Variants in R3HDM1 observed in about 807,000 individuals in gnomAD.
The protein encoded by R3HDM1 is R3H domain-containing protein 1.
R3HDM1 carries 46 observed loss-of-function variants against 141.1 expected under a neutral mutation model. The observed-to-expected ratio is 0.33, with a 90% CI of 0.26 to 0.42. The LOEUF (loss-of-function observed/expected upper bound fraction) is 0.42, where lower values mean the gene tolerates loss of function less well. Ranked by LOEUF, R3HDM1 falls within the 10% of genes least tolerant of loss-of-function variation. The pLI is 1.00. For missense variants in R3HDM1, 1,184 were observed against 1,368.3 expected, an observed-to-expected ratio of 0.87 and a Z score of 2.12; for synonymous variants, 435 against 472.9, an observed-to-expected ratio of 0.92 and a Z score of 1.04.
intron 5 of R3HDM1, among the ~76,000 whole-genome samples, chr2:135,618,274 C>G (rs2061228466): frequency 6.6e-6 from 1 of 151,442 alleles, no homozygotes; most frequent in Non-Finnish European, 1.5e-5. Context: ...AGCCATTCTG[C>G]CTCAGCCTGC....
chr2:135,715,732 T>G, intron 24 of R3HDM1, 38 bp downstream of exon 24: 9 of 1,582,758 alleles, frequency 5.7e-6, no homozygotes, highest in Non-Finnish European at 7.7e-6. Flanking sequence ...TTCAGAGAAT[T>G]TAAGACATCC....
chr2:135,541,851 T>TAAA (rs10558924), intron 1 of R3HDM1, among the ~76,000 whole-genome samples: 6 of 121,910 alleles, frequency 4.9e-5, no homozygotes, highest in South Asian at 2.6e-4. Flanking sequence ...TTCAATTTGT[T>TAAA]AAAAAAAAAA....
intron 21 of R3HDM1, among the ~76,000 whole-genome samples, chr2:135,683,469 G>C (rs1003145363): frequency 6.7e-6 from 1 of 150,270 alleles, no homozygotes; most frequent in Non-Finnish European, 1.5e-5. Flanking sequence ...CAGGAGAATC[G>C]CTTGAACCTG....
At chr2:135,699,025 AGATAGAT>A (rs1559465557) in intron 21 of R3HDM1, among the ~76,000 whole-genome samples, 30 of 118,222 alleles carry the variant, frequency 2.5e-4, no homozygotes, top group Admixed American at 8.1e-4. Context: ...ATAGATAGAT[AGATAGAT>A]AGATAGATAG....
At chr2:135,607,138 G>A (rs544439964) in intron 3 of R3HDM1, 70 of 169,246 alleles carry the variant, frequency 4.1e-4, no homozygotes, top group Middle Eastern at 5.9e-3. Context: ...ACAGGCGTGC[G>A]CCACCATGCT....
At chr2:135,612,716 C>T (rs2060660733) in intron 3 of R3HDM1, among the ~76,000 whole-genome samples, 1 of 152,130 alleles carries the variant, frequency 6.6e-6, no homozygotes, top group Non-Finnish European at 1.5e-5. Context: ...GTCTATTAAA[C>T]AAGCTGCTAA....
intron 15 of R3HDM1, 113 bp downstream of exon 15, chr2:135,641,903 A>T (rs2105249245): frequency 8.0e-7 from 1 of 1,251,032 alleles, no homozygotes; most frequent in East Asian, 2.6e-5. Context: ...AATAATTAAC[A>T]TTTTCCAAGA....
chr2:135,647,015 A>T (rs965177708), intron 16 of R3HDM1, among the ~76,000 whole-genome samples: 5 of 152,144 alleles, frequency 3.3e-5, no homozygotes, highest in Non-Finnish European at 7.3e-5. Flanking sequence ...AATGGTGTGA[A>T]AGTCATAAAA....
intron 1 of R3HDM1, chr2:135,581,053 T>C: frequency 2.3e-6 from 1 of 440,190 alleles, no homozygotes; most frequent in Non-Finnish European, 3.0e-6. Flanking sequence ...TACTACTCTA[T>C]TATAATGCTT....
At chr2:135,541,151 T>G (rs1697389231) in intron 1 of R3HDM1, among the ~76,000 whole-genome samples, 1 of 152,174 alleles carries the variant, frequency 6.6e-6, no homozygotes, top group Non-Finnish European at 1.5e-5. Context: ...CCTAGGATTT[T>G]CAGAAGGTTA....
intron 19 of R3HDM1, chr2:135,665,517 T>C (rs779199589): frequency 1.3e-5 from 7 of 521,850 alleles, no homozygotes; most frequent in Admixed American, 1.0e-4. Context: ...GCTTTTTTGC[T>C]TTTTTTAATG....
At chr2:135,553,999 T>G (rs569925442) in intron 1 of R3HDM1, among the ~76,000 whole-genome samples, 2 of 152,370 alleles carry the variant, frequency 1.3e-5, no homozygotes, top group African/African-American at 4.8e-5. Flanking sequence ...CTCTGCTGGT[T>G]TTTTAAACAA....
chr2:135,552,889 T>C (rs1367392846), intron 1 of R3HDM1, among the ~76,000 whole-genome samples: 4 of 152,112 alleles, frequency 2.6e-5, no homozygotes, highest in Admixed American at 6.5e-5. Context: ...CTTTTTTTTT[T>C]CCTCAGAGAC....
intron 21 of R3HDM1, among the ~76,000 whole-genome samples, chr2:135,698,852 A>G (rs1216334321): frequency 6.6e-6 from 1 of 152,008 alleles, no homozygotes; most frequent in Non-Finnish European, 1.5e-5. Context: ...ACCAAGGGGG[A>G]ATGGTGCTAA....
intron 18 of R3HDM1, among the ~76,000 whole-genome samples, chr2:135,653,227 A>G (rs2065352505): frequency 6.6e-6 from 1 of 151,964 alleles, no homozygotes; most frequent in African/African-American, 2.4e-5. Context: ...GTGGTGGTGC[A>G]CGCCTGTAAT....
At chr2:135,545,034 C>T (rs1221256584) in intron 1 of R3HDM1, among the ~76,000 whole-genome samples, 2 of 152,150 alleles carry the variant, frequency 1.3e-5, no homozygotes, top group African/African-American at 2.4e-5. Context: ...ATAACCCCAC[C>T]TCCTTAATGA....
chr2:135,710,187 G>A lies in R3HDM1; in HGVS notation c.2692G>A (p.Gly898Arg), dbSNP rs1192254788. Residue 898 changes from glycine (G) to arginine (R), a missense_variant, in exon 23 of 27, where the codon GGA becomes AGA. By Grantham distance (125) the Gly-to-Arg change is moderately radical. Around this residue, in one of 5 missense-constraint regions of R3HDM1, gnomAD observed 563 missense variants for 562.0 expected, o/e 1.00. Coordinates refer to ENST00000683871, the MANE Select transcript of R3HDM1 (RefSeq NM_001378107.1). ...QNKYYCDHQR[G>R]QKCVEFSSVD... is the part of the protein sequence containing the mutation. ...CAAATATTACTGTGATCACCAGAGA[G>A]GACAGAAGTGTGTAGAATTTAGCAG... 3.7e-6 allele frequency: 6 copies of A among 1,614,164 alleles called. No homozygotes were observed. In the South Asian group the frequency reaches 6.6e-5, roughly 18 times the overall value.
At chr2:135,604,184 T>G (rs1416905531) in intron 2 of R3HDM1, among the ~76,000 whole-genome samples, 1 of 152,248 alleles carries the variant, frequency 6.6e-6, no homozygotes, top group Non-Finnish European at 1.5e-5. Flanking sequence ...TTTACAAGTG[T>G]ATTTTGTAAT....
intron 21 of R3HDM1, among the ~76,000 whole-genome samples, chr2:135,694,156 C>T (rs1410231283): frequency 6.6e-6 from 1 of 152,124 alleles, no homozygotes; most frequent in Non-Finnish European, 1.5e-5. Context: ...TTTTAAAAAT[C>T]CACAGTGACT....
Sources: allele counts gnomAD v4.1 joint callset (sites outside exome capture counted in the v4.1 genomes callset), GRCh38; gene constraint gnomAD v4.1.1; regional missense constraint gnomAD v4.1.1; transcripts MANE v1.5; gene names NCBI Gene and HGNC (gene_info 2026-07-23, HGNC 2026-07-21).